Variants in AFF3 observed in about 807,000 individuals in gnomAD.
The protein encoded by AFF3 is ALF transcription elongation factor 3.
AFF3 carries 32 observed loss-of-function variants against 129.7 expected under a neutral mutation model. The observed-to-expected ratio is 0.25, with a 90% CI of 0.19 to 0.33. The LOEUF (loss-of-function observed/expected upper bound fraction) is 0.33. Among genes scored for constraint, AFF3 ranks in the 10% least tolerant of loss-of-function variants. The pLI, the probability that AFF3 is intolerant of heterozygous loss-of-function variation, is 1.00. For missense variants in AFF3, 1,373 were observed against 1,592.0 expected, an observed-to-expected ratio of 0.86 and a Z score of 2.34; for synonymous variants, 644 against 635.4, an observed-to-expected ratio of 1.01 and a Z score of -0.20.
At chr2:100,109,530 C>T (rs1464850296) in intron 2 of AFF3, among the ~76,000 whole-genome samples, 1 of 151,720 alleles carries the variant, frequency 6.6e-6, no homozygotes, top group Non-Finnish European at 1.5e-5. Flanking sequence ...TCCTTTGATG[C>T]TGGTAACAAG....
chr2:99,571,829 C>T (rs1676501787), intron 18 of AFF3, among the ~76,000 whole-genome samples: 1 of 152,144 alleles, frequency 6.6e-6, no homozygotes, highest in African/African-American at 2.4e-5. Context: ...TCCAGCCTTG[C>T]CACGAATCAC....
At chr2:100,072,995 G>T (rs1688314165) in intron 4 of AFF3, among the ~76,000 whole-genome samples, 1 of 152,016 alleles carries the variant, frequency 6.6e-6, no homozygotes, top group Non-Finnish European at 1.5e-5. Context: ...GTCTTTTTTC[G>T]ATGGAGAACA....
chr2:100,064,268 T>C (rs1253291209), intron 4 of AFF3, among the ~76,000 whole-genome samples: 3 of 152,154 alleles, frequency 2.0e-5, no homozygotes, highest in African/African-American at 7.2e-5. Context: ...TATTTCTTAC[T>C]ATCACCTACC....
chr2:100,071,055 C>T (rs1469831167), intron 4 of AFF3, among the ~76,000 whole-genome samples: 2 of 152,128 alleles, frequency 1.3e-5, no homozygotes, highest in African/African-American at 4.8e-5. Flanking sequence ...TAGCTAAATA[C>T]TTATCCAGCA....
Position 99,891,264 on chromosome 2 carries a change from G to A in AFF3, c.874-53740C>T, listed in dbSNP as rs140108386. ...TTAGGGCAGGAGACAGGGGCCCAGAGTGTGAGAGCCCAGAAAAGGAGGTGG... is the reference window on the plus strand; with the variant it reads ...TTAGGGCAGGAGACAGGGGCCCAGAATGTGAGAGCCCAGAAAAGGAGGTGG... On this transcript the variant is annotated intron_variant, in intron 7 of 24. Coordinates refer to ENST00000672756, the MANE Select transcript of AFF3 (RefSeq NM_001386135.1). Among the ~76,000 whole-genome samples the A allele has an allele frequency of 4.6e-5, 7 of 152,296 alleles. No individual in the cohort carries two copies. The East Asian group carries it at 1.4e-3, about 29-fold the overall frequency.
chr2:100,116,352 T>C (rs1691734407), intron 2 of AFF3, among the ~76,000 whole-genome samples: 1 of 152,158 alleles, frequency 6.6e-6, no homozygotes, highest in Admixed American at 6.5e-5. Flanking sequence ...TTAATGTAAT[T>C]ACATTTATAT....
At chr2:99,552,430 T>C (rs933437569) in intron 24 of AFF3, among the ~76,000 whole-genome samples, 3 of 152,138 alleles carry the variant, frequency 2.0e-5, no homozygotes, top group Admixed American at 2.0e-4. Flanking sequence ...GGCACTCTGC[T>C]AGGTGCAGGG....
At chr2:100,129,331 T>A (rs963644700) in intron 1 of AFF3, 25 bp from the exon 2 acceptor site, 1 of 152,102 alleles carries the variant, frequency 6.6e-6, no homozygotes, top group Non-Finnish European at 1.5e-5. Flanking sequence ...CGATTGGGTA[T>A]TTAGGCAAAA....
chr2:100,059,287 A>C (rs528325464), intron 4 of AFF3, among the ~76,000 whole-genome samples: 2 of 146,920 alleles, frequency 1.4e-5, no homozygotes, highest in South Asian at 4.4e-4. Context: ...AAAGCAATGG[A>C]TCTCAATAGA....
chr2:99,969,478 C>CATTTATTTATTTATTTACTT (rs1553491622), intron 7 of AFF3, among the ~76,000 whole-genome samples: 4 of 150,410 alleles, frequency 2.7e-5, no homozygotes, highest in African/African-American at 9.9e-5. Context: ...ATTTTATTTT[C>CATTTATTTATTTATTTACTT]ATTTATTTAT....
At chr2:99,821,644 C>T (rs894817513) in intron 8 of AFF3, among the ~76,000 whole-genome samples, 3 of 152,184 alleles carry the variant, frequency 2.0e-5, no homozygotes, top group Non-Finnish European at 4.4e-5. Flanking sequence ...CACAATCGCT[C>T]CTTGTCATTC....
chr2:100,045,431 T>G (rs1270760079), intron 4 of AFF3, among the ~76,000 whole-genome samples: 1 of 152,226 alleles, frequency 6.6e-6, no homozygotes, highest in Non-Finnish European at 1.5e-5. Context: ...TCAGATACTC[T>G]GCTAAGAACT....
At chr2:99,632,819 T>C (rs1683251341) in intron 13 of AFF3, among the ~76,000 whole-genome samples, 1 of 152,250 alleles carries the variant, frequency 6.6e-6, no homozygotes, top group African/African-American at 2.4e-5. Flanking sequence ...TTGATTGTAA[T>C]GGTCACTTCA....
chr2:99,692,665 G>C (rs1032285318), intron 11 of AFF3, among the ~76,000 whole-genome samples: 3 of 152,176 alleles, frequency 2.0e-5, no homozygotes, highest in African/African-American at 7.2e-5. Flanking sequence ...AAGTCCACCA[G>C]ACATTCCTGC....
At chr2:99,835,479 T>C (rs1168487585) in intron 8 of AFF3, among the ~76,000 whole-genome samples, 2 of 152,098 alleles carry the variant, frequency 1.3e-5, no homozygotes, top group Non-Finnish European at 2.9e-5. Context: ...ATGACTAATG[T>C]CAGTGAGGCA....
intron 4 of AFF3, among the ~76,000 whole-genome samples, chr2:100,098,391 AAATC>A (rs927859964): frequency 4.3e-4 from 66 of 152,178 alleles, no homozygotes; most frequent in Non-Finnish European, 1.2e-4. Context: ...AATAAAAAAA[AAATC>A]AAACAGGCAA....
At chr2:100,000,741 C>T (rs1681326346) in intron 7 of AFF3, among the ~76,000 whole-genome samples, 1 of 152,162 alleles carries the variant, frequency 6.6e-6, no homozygotes, top group South Asian at 2.1e-4. Context: ...TGTTCTCCAC[C>T]TCACACATAA....
intron 7 of AFF3, among the ~76,000 whole-genome samples, chr2:99,905,414 A>G (rs764071915): frequency 5.3e-5 from 8 of 152,242 alleles, no homozygotes; most frequent in Admixed American, 1.3e-4. Context: ...CTCAGTCCGA[A>G]TACTTTTTGT....
intron 13 of AFF3, among the ~76,000 whole-genome samples, chr2:99,614,916 A>G (rs1681268687): frequency 6.6e-6 from 1 of 152,272 alleles, no homozygotes; most frequent in South Asian, 2.1e-4. Flanking sequence ...CCCACCAAAG[A>G]TAAAGGCATT....
Sources: gnomAD v4.1 joint callset for allele counts (sites outside exome capture counted in the v4.1 genomes callset) on GRCh38, gnomAD v4.1.1 for gene constraint, MANE v1.5 for transcripts, NCBI Gene and HGNC (gene_info 2026-07-23, HGNC 2026-07-21) for gene names.